DPP6: variants seen among roughly 807,000 people sequenced by gnomAD.
The protein encoded by DPP6 is dipeptidyl peptidase like 6, also known as A-type potassium channel modulatory protein DPP6.
Under a neutral mutation model 122.6 loss-of-function variants are expected in DPP6, and 69 were observed. The observed-to-expected ratio is 0.56, with a 90% CI of 0.46 to 0.69. The LOEUF is 0.69. Ranked by LOEUF, DPP6 falls within the 30% of genes least tolerant of loss-of-function variation. DPP6 has a pLI of 0.00. For missense variants in DPP6, 928 were observed against 1,116.9 expected, an observed-to-expected ratio of 0.83 and a Z score of 2.41; for synonymous variants, 418 against 433.1, an observed-to-expected ratio of 0.97 and a Z score of 0.43.
intron 4 of DPP6, among the ~76,000 whole-genome samples, chr7:154,554,754 A>G (rs1374405970): frequency 6.6e-6 from 1 of 152,212 alleles, no homozygotes; most frequent in Non-Finnish European, 1.5e-5. Context: ...AGTAAGTATA[A>G]AAGTTATGAG....
intron 3 of DPP6, among the ~76,000 whole-genome samples, chr7:154,536,472 T>C (rs1438428499): frequency 6.6e-6 from 1 of 152,146 alleles, no homozygotes; most frequent in Admixed American, 6.6e-5. Flanking sequence ...GAAGGAAGAC[T>C]CAGGGTTGTA....
At chr7:153,923,852 C>T (rs867241905) in intron 1 of DPP6, among the ~76,000 whole-genome samples, 2 of 151,642 alleles carry the variant, frequency 1.3e-5, no homozygotes, top group Admixed American at 6.6e-5. Context: ...ATCTCACCCT[C>T]ACAATGCTCA....
chr7:154,256,959 C>G (rs935183290), intron 1 of DPP6, among the ~76,000 whole-genome samples: 6 of 151,650 alleles, frequency 4.0e-5, no homozygotes, highest in Admixed American at 2.0e-4. Context: ...CATGAAATAC[C>G]CCCTTGGGTT....
At chr7:154,033,187 G>A (rs1799347556) in intron 1 of DPP6, among the ~76,000 whole-genome samples, 1 of 152,190 alleles carries the variant, frequency 6.6e-6, no homozygotes, top group African/African-American at 2.4e-5. Context: ...GGCCACCAGG[G>A]CTCCAGGGCC....
chr7:154,008,869 G>T (rs1211974390), intron 1 of DPP6, among the ~76,000 whole-genome samples: 1 of 150,986 alleles, frequency 6.6e-6, no homozygotes, highest in Admixed American at 6.6e-5. Context: ...GTTTCACCGT[G>T]TTAGCCAGGA....
chr7:154,484,104 T>G (rs912146987), intron 3 of DPP6, among the ~76,000 whole-genome samples: 63 of 152,286 alleles, frequency 4.1e-4, no homozygotes, highest in African/African-American at 1.4e-3. Context: ...TAACTTACTT[T>G]TAACATCACT....
At chr7:154,668,165 T>A (rs1158279114) in intron 6 of DPP6, among the ~76,000 whole-genome samples, 1 of 112,478 alleles carries the variant, frequency 8.9e-6, no homozygotes, top group Non-Finnish European at 2.0e-5. Context: ...TTTCTACAGA[T>A]GAGTGGGTGC....
the DPP6 span, among the ~76,000 whole-genome samples, chr7:153,758,153 G>T: frequency 5.9e-5 from 9 of 152,278 alleles, no homozygotes; most frequent in East Asian, 1.7e-3. Flanking sequence ...GTGCCTTATA[G>T]TTGCTAGGCT....
intron 7 of DPP6, among the ~76,000 whole-genome samples, chr7:154,677,783 C>G (rs536163846): frequency 5.3e-5 from 8 of 152,198 alleles, no homozygotes; most frequent in African/African-American, 7.2e-5. Flanking sequence ...GGAGTGGGAA[C>G]CCAGCCAGGC....
chr7:154,828,258 G>T (rs764579058), intron 16 of DPP6, among the ~76,000 whole-genome samples: 4 of 152,086 alleles, frequency 2.6e-5, no homozygotes, highest in Non-Finnish European at 4.4e-5. Context: ...AATGCTTCAG[G>T]GGGCAAAGTC....
At chr7:153,827,007 C>CAAG in the DPP6 span, among the ~76,000 whole-genome samples, 1 of 150,636 alleles carries the variant, frequency 6.6e-6, no homozygotes, top group South Asian at 2.1e-4. Context: ...TTAAAATTAA[C>CAAG]CTTTATGACA....
intron 1 of DPP6, among the ~76,000 whole-genome samples, chr7:153,905,500 A>G (rs536139227): frequency 1.3e-5 from 2 of 152,090 alleles, no homozygotes; most frequent in Non-Finnish European, 2.9e-5. Context: ...GAAGCGAATG[A>G]CTCAGTGAAA....
At chr7:154,202,158 T>A (rs1799208196) in intron 1 of DPP6, among the ~76,000 whole-genome samples, 1 of 152,154 alleles carries the variant, frequency 6.6e-6, no homozygotes, top group African/African-American at 2.4e-5. Context: ...TTTCCCCATT[T>A]CCCAAATGTC....
At chr7:153,912,102 T>C (rs1478569047) in intron 1 of DPP6, among the ~76,000 whole-genome samples, 1 of 152,154 alleles carries the variant, frequency 6.6e-6, no homozygotes, top group Non-Finnish European at 1.5e-5. Context: ...CCCATTGTAA[T>C]TTCTGCCAAA....
chr7:154,755,440 T>C lies in DPP6; in HGVS notation c.884-13977T>C, dbSNP rs1843615130. On this transcript the variant is annotated intron_variant, in intron 8 of 25. Transcript: ENST00000377770. This position sits in a 1 kb window ranked among gnomAD's most constrained non-coding sequence, Gnocchi z 4.7. ...TATTTCCCATGGGTTATCTCTCACTTACTAGCTGTGTGAGCTTCGGCACAT... is the reference window on the plus strand; with the variant it reads ...TATTTCCCATGGGTTATCTCTCACTCACTAGCTGTGTGAGCTTCGGCACAT... Among the ~76,000 whole-genome samples the C allele has an allele frequency of 6.6e-6, 1 of 151,964 alleles. No homozygotes were observed. Among genetic ancestry groups the C allele is most frequent in the Non-Finnish European group, 1.5e-5 (1 of 68,012 alleles).
chr7:153,807,508 G>T, the DPP6 span, among the ~76,000 whole-genome samples: 1 of 151,928 alleles, frequency 6.6e-6, no homozygotes, highest in African/African-American at 2.4e-5. Context: ...TGCAGTAAAT[G>T]CAAGGCATCG....
At chr7:153,849,270 G>A in the DPP6 span, among the ~76,000 whole-genome samples, 2 of 136,308 alleles carry the variant, frequency 1.5e-5, no homozygotes, top group South Asian at 5.6e-4. Context: ...AGACATATAT[G>A]TTTTCTTTTT....
chr7:154,538,881 A>G (rs1310323764), intron 3 of DPP6, among the ~76,000 whole-genome samples: 1 of 152,258 alleles, frequency 6.6e-6, no homozygotes, highest in Non-Finnish European at 1.5e-5. Flanking sequence ...AAGTATTACC[A>G]GGAAAATAAA....
intron 1 of DPP6, among the ~76,000 whole-genome samples, chr7:154,386,563 C>T (rs1386648157): frequency 6.6e-6 from 1 of 152,118 alleles, no homozygotes; most frequent in African/African-American, 2.4e-5. Context: ...AGAAATCGGA[C>T]TACTGCCATG....
Sources: gnomAD v4.1 joint callset for allele counts (sites outside exome capture counted in the v4.1 genomes callset) on GRCh38, gnomAD v4.1.1 for gene constraint, Gnocchi (gnomAD v3.1) non-coding constraint, MANE v1.5 for transcripts, NCBI Gene and HGNC (gene_info 2026-07-23, HGNC 2026-07-21) for gene names.